The following NRF1 variants were observed in gnomAD, a reference collection of about 807,000 sequenced individuals.
NRF1 encodes alpha palindromic-binding protein.
In NRF1, 5 loss-of-function variants were observed where a neutral mutation model predicts 58.5. The observed-to-expected ratio is 0.09, with a 90% CI of 0.04 to 0.18. The LOEUF is 0.18. Among genes scored for constraint, NRF1 ranks in the 10% least tolerant of loss-of-function variants. The probability of loss-of-function intolerance (pLI) is 1.00; values close to 1 mark genes in which losing one functional copy is unlikely to be tolerated. For missense variants in NRF1, 288 were observed against 657.7 expected (o/e 0.44, Z 6.15); for synonymous variants, 224 against 246.7 (o/e 0.91, Z 0.86).
intron 10 of NRF1, among the ~76,000 whole-genome samples, chr7:129,735,997 C>T (rs911125803): frequency 4.0e-5 from 6 of 151,682 alleles, no homozygotes; most frequent in African/African-American, 1.2e-4. Context: ...AGCGAGACTC[C>T]GTCTCAAAAA....
intron 1 of NRF1, among the ~76,000 whole-genome samples, chr7:129,625,275 C>T (rs1328077980): frequency 6.6e-6 from 1 of 152,132 alleles, no homozygotes; most frequent in Admixed American, 6.5e-5. Context: ...AGGATGATCT[C>T]AAGATCCTTA....
intron 1 of NRF1, among the ~76,000 whole-genome samples, chr7:129,616,984 A>G (rs1465899502): frequency 1.3e-5 from 2 of 152,206 alleles, no homozygotes; most frequent in Non-Finnish European, 1.5e-5. Context: ...CTACTTTTGT[A>G]TGGGTTATCA....
chr7:129,692,391 A>T (rs1008954860), intron 5 of NRF1, among the ~76,000 whole-genome samples: 1 of 152,084 alleles, frequency 6.6e-6, no homozygotes, highest in African/African-American at 2.4e-5. Flanking sequence ...TCTCTACAAA[A>T]AATACAAAAA....
intron 5 of NRF1, among the ~76,000 whole-genome samples, chr7:129,691,656 A>G (rs937375640): frequency 6.6e-6 from 1 of 151,904 alleles, no homozygotes; most frequent in Non-Finnish European, 1.5e-5. Flanking sequence ...CACCCAGCCC[A>G]CCCTATTTCT....
In NRF1 at chr7:129,646,238, G is replaced by A. The variant is rs1377847913; in HGVS notation, c.-6-11108G>A. ...TCTGAAAACAGAAACTCTAATTGTA[G>A]TCTTGTAAAAATGGGCTTCATTTTT... On this transcript the variant is annotated intron_variant, in intron 1 of 10. Transcript: ENST00000393232. Among the ~76,000 whole-genome samples the A allele has an allele frequency of 2.6e-5, 4 of 152,158 alleles. No homozygotes were observed. In the South Asian group the frequency reaches 8.3e-4, roughly 32 times the overall value.
chr7:129,615,147 C>T (rs1350105545), intron 1 of NRF1, among the ~76,000 whole-genome samples: 1 of 152,160 alleles, frequency 6.6e-6, no homozygotes, highest in African/African-American at 2.4e-5. Flanking sequence ...TATGAACTGT[C>T]AGTCTTTAGA....
In NRF1 at chr7:129,756,412, G is replaced by T. The variant is rs80344027; in HGVS notation, c.*1231G>T. The T allele has an allele frequency of 6.0e-3, 912 of 152,460 alleles. 4 individuals carry two copies. The highest frequency in any genetic ancestry group is 8.0e-3 in the Non-Finnish European group (542 of 68,104). 9.4% of individuals were successfully genotyped at this position (152,460 alleles called of 1,614,324 possible). A position where few individuals can be genotyped will look rare whatever the true frequency, so the allele number is the denominator to read the frequency against. On this transcript the variant is annotated 3_prime_UTR_variant, in exon 11 of 11. Transcript: ENST00000393232. ...GGTGTTTGCTGTGTTCCTGGATCAG[G>T]CCCTGCTTCAGAAGGGACTCCTGGA...
intron 3 of NRF1, among the ~76,000 whole-genome samples, chr7:129,676,188 C>T (rs942881419): frequency 1.3e-5 from 2 of 152,220 alleles, no homozygotes; most frequent in Non-Finnish European, 2.9e-5. Flanking sequence ...AAACTTTCTC[C>T]ATATCAGCAA....
chr7:129,615,049 A>G (rs1800632361), intron 1 of NRF1, among the ~76,000 whole-genome samples: 1 of 152,240 alleles, frequency 6.6e-6, no homozygotes, highest in African/African-American at 2.4e-5. Context: ...AAGTTGAAGA[A>G]TAATAACAAT....
At chr7:129,686,939 G>T (rs1024072853) in intron 4 of NRF1, among the ~76,000 whole-genome samples, 2 of 152,188 alleles carry the variant, frequency 1.3e-5, no homozygotes, top group Non-Finnish European at 2.9e-5. Flanking sequence ...AAAAAACATT[G>T]ATAAATGTTG....
At chr7:129,652,767 T>C (rs1401398607) in intron 1 of NRF1, among the ~76,000 whole-genome samples, 1 of 151,954 alleles carries the variant, frequency 6.6e-6, no homozygotes, top group Non-Finnish European at 1.5e-5. Context: ...ATTTTTTGTA[T>C]TTTTTTAGTA....
At chr7:129,688,809 C>T (rs958081769) in intron 4 of NRF1, among the ~76,000 whole-genome samples, 2 of 152,138 alleles carry the variant, frequency 1.3e-5, no homozygotes, top group Non-Finnish European at 2.9e-5. Context: ...ATGGGAGAAA[C>T]TGCCCCCATG....
intron 2 of NRF1, among the ~76,000 whole-genome samples, chr7:129,662,214 A>C (rs1220695705): frequency 6.6e-6 from 1 of 152,056 alleles, no homozygotes; most frequent in East Asian, 1.9e-4. Context: ...CAGCCAAACC[A>C]TATCAGCTGT....
chr7:129,645,612 A>G (rs1801387865), intron 1 of NRF1, among the ~76,000 whole-genome samples: 1 of 152,156 alleles, frequency 6.6e-6, no homozygotes, highest in African/African-American at 2.4e-5. Context: ...GTTTCCAAAA[A>G]CCTGATCTAT....
intron 10 of NRF1, 32 bp from the exon 11 acceptor site, chr7:129,754,986 C>A: frequency 6.5e-7 from 1 of 1,532,344 alleles, no homozygotes; most frequent in Non-Finnish European, 8.8e-7. Flanking sequence ...TGAGCCTGAG[C>A]CCCACCAACG....
chr7:129,622,437 T>C (rs971137245), intron 1 of NRF1, among the ~76,000 whole-genome samples: 5 of 152,114 alleles, frequency 3.3e-5, no homozygotes, highest in Admixed American at 2.0e-4. Context: ...TGTTAAACAA[T>C]AAATATATTT....
intron 2 of NRF1, among the ~76,000 whole-genome samples, chr7:129,660,976 A>G (rs1171758772): frequency 1.3e-5 from 2 of 151,252 alleles, no homozygotes; most frequent in South Asian, 2.1e-4. Flanking sequence ...AGGAGTTTTC[A>G]TACATCCTCT....
intron 5 of NRF1, among the ~76,000 whole-genome samples, chr7:129,698,701 T>A (rs2116149149): frequency 6.6e-6 from 1 of 152,306 alleles, no homozygotes; most frequent in South Asian, 2.1e-4. Flanking sequence ...GGTGTTCAAA[T>A]GCAGATTAGG....
At chr7:129,666,427 TA>T (rs1166646053) in intron 2 of NRF1, among the ~76,000 whole-genome samples, 1 of 152,266 alleles carries the variant, frequency 6.6e-6, no homozygotes, top group Non-Finnish European at 1.5e-5. Context: ...TATGTTTCTG[TA>T]ATATGTTTAT....
Sources: gnomAD v4.1 joint callset for allele counts (sites outside exome capture counted in the v4.1 genomes callset) on GRCh38, gnomAD v4.1.1 for gene constraint, MANE v1.5 for transcripts, NCBI Gene and HGNC (gene_info 2026-07-23, HGNC 2026-07-21) for gene names.